The following AGAP1 variants were observed in gnomAD, a reference collection of about 807,000 sequenced individuals.
AGAP1 encodes the protein ArfGAP with GTPase domain, ankyrin repeat and PH domain 1.
Under a neutral mutation model 105.3 loss-of-function variants are expected in AGAP1, and 29 were observed. That is an observed-to-expected ratio of 0.28 (90% CI 0.21 to 0.38). The LOEUF is 0.38. Ranked by LOEUF, AGAP1 falls within the 10% of genes least tolerant of loss-of-function variation. The pLI is 1.00. For missense variants in AGAP1, 998 were observed against 1,165.1 expected (o/e 0.86, Z 2.09); for synonymous variants, 509 against 485.9 (o/e 1.05, Z -0.63).
chr2:235,974,058 C>G (rs191224885), intron 13 of AGAP1, among the ~76,000 whole-genome samples: 2 of 152,150 alleles, frequency 1.3e-5, no homozygotes, highest in African/African-American at 4.8e-5. Context: ...TCTGTGGCCC[C>G]GAACCTGGTG....
At chr2:235,847,173 G>A (rs1031123787) in intron 9 of AGAP1, among the ~76,000 whole-genome samples, 1 of 152,222 alleles carries the variant, frequency 6.6e-6, no homozygotes, top group Non-Finnish European at 1.5e-5. Flanking sequence ...GAGAATGGGT[G>A]CCTGTAAGAA....
chr2:235,494,999 C>A, intron 1 of AGAP1, 150 bp downstream of exon 1: 2 of 687,280 alleles, frequency 2.9e-6, no homozygotes, highest in Non-Finnish European at 4.1e-6. Context: ...GCTTGTCTTG[C>A]AAGGCCGGGC....
chr2:235,890,429 G>A lies in AGAP1; in HGVS notation c.1155+6980G>A, dbSNP rs185430594. On this transcript the variant is annotated intron_variant, in intron 10 of 17. Coordinates refer to ENST00000304032, the MANE Select transcript of AGAP1 (RefSeq NM_001037131.3). Reference sequence around the variant, plus strand: ...AGCCTCCCAAAGTGCTGGGATTATAGGCATGAGCCACTCTGCCCAGCTGTG... The same window carrying A: ...AGCCTCCCAAAGTGCTGGGATTATAAGCATGAGCCACTCTGCCCAGCTGTG... Among the ~76,000 whole-genome samples the A allele has an allele frequency of 2.1e-3, 326 of 152,300 alleles. 4 individuals carry two copies. The highest frequency in any genetic ancestry group is 0.017 in the Middle Eastern group (5 of 294).
At chr2:235,806,751 C>T (rs115535401) in intron 8 of AGAP1, among the ~76,000 whole-genome samples, 64 of 152,308 alleles carry the variant, frequency 4.2e-4, no homozygotes, top group African/African-American at 1.5e-3. Context: ...AAAATGTTAA[C>T]AGCACCTTGA....
At chr2:235,990,469 T>C (rs1193129351) in intron 13 of AGAP1, among the ~76,000 whole-genome samples, 2 of 152,162 alleles carry the variant, frequency 1.3e-5, no homozygotes, top group African/African-American at 4.8e-5. Flanking sequence ...GTCACTCGTG[T>C]GTTTGATGGT....
At chr2:235,497,343 G>C (rs2148993442) in intron 1 of AGAP1, among the ~76,000 whole-genome samples, 1 of 152,326 alleles carries the variant, frequency 6.6e-6, no homozygotes, top group East Asian at 1.9e-4. Context: ...AGTAACTGCA[G>C]AGGGCTCCCT....
In AGAP1 at chr2:236,123,971, A is replaced by G; in HGVS notation, c.2423A>G (p.Tyr808Cys). The change falls in exon 18 of 18, where the codon TAC becomes TGC. Residue 808 changes from tyrosine to cysteine, a missense_variant. By Grantham distance (194) the Tyr-to-Cys change is radical. Coordinates refer to ENST00000304032, the MANE Select transcript of AGAP1 (RefSeq NM_001037131.3). This position sits in a 1 kb window ranked among gnomAD's most constrained non-coding sequence, Gnocchi z 4.6. ...GCCCACGGGAACACAGCTCTGGCCT[A>G]CGCCCGGCAGGCCTCCAGCCAGGAG... ...RDAHGNTALAYARQASSQECI... is the reference protein window; with the variant it reads ...RDAHGNTALACARQASSQECI... 6.2e-7 allele frequency: 1 copy of G among 1,613,798 alleles called. No individual in the cohort carries two copies. Among genetic ancestry groups the G allele is most frequent in the South Asian group, 1.1e-5 (1 of 91,062 alleles).
At chr2:235,563,777 G>A (rs541744121) in intron 1 of AGAP1, among the ~76,000 whole-genome samples, 1 of 152,290 alleles carries the variant, frequency 6.6e-6, no homozygotes, top group South Asian at 2.1e-4. Context: ...TGAGGGTCTG[G>A]TATATGCTAG....
In AGAP1 at chr2:235,943,362, ATT is replaced by A. The variant is rs562379887; in HGVS notation, c.1483+12457_1483+12458del. ...AAAAGGCAAAGACCTAAAGGACTTA[ATT>A]TTTTTTTTTTTTTTTTTGACACAGA... On this transcript the variant is annotated intron_variant, in intron 12 of 17. Transcript: ENST00000304032. 6.4e-4 allele frequency among the ~76,000 whole-genome samples: 81 copies of A among 127,018 alleles called. 1 individual carries two copies. The highest frequency in any genetic ancestry group is 2.0e-3 in the East Asian group (9 of 4,524). The allele number at this position is 127,018 out of a possible 152,430, so 83.3% of individuals were successfully genotyped here. A position where few individuals can be genotyped will look rare whatever the true frequency, so the allele number is the denominator to read the frequency against.
At chr2:235,790,061 C>T (rs114412285) in intron 6 of AGAP1, among the ~76,000 whole-genome samples, 3,102 of 152,038 alleles carry the variant, frequency 0.02, 97 homozygotes, top group African/African-American at 0.071. Flanking sequence ...GGGTGGGAAT[C>T]GGTAGATTTG....
At chr2:235,912,239 G>C (rs2051653497) in intron 11 of AGAP1, among the ~76,000 whole-genome samples, 1 of 152,196 alleles carries the variant, frequency 6.6e-6, no homozygotes, top group Admixed American at 6.5e-5. Context: ...TTGGGGATTT[G>C]AGTTTTTATA....
chr2:235,618,608 T>G (rs1946379798), intron 1 of AGAP1, among the ~76,000 whole-genome samples: 1 of 152,238 alleles, frequency 6.6e-6, no homozygotes, highest in South Asian at 2.1e-4. Flanking sequence ...AAGGTCCATT[T>G]TTAAGCTTAT....
At chr2:235,679,972 G>A (rs540032620) in intron 1 of AGAP1, among the ~76,000 whole-genome samples, 27 of 152,194 alleles carry the variant, frequency 1.8e-4, no homozygotes, top group Non-Finnish European at 3.8e-4. Flanking sequence ...TTGTACTGAC[G>A]CTGACATTTT....
At chr2:236,039,294 T>A (rs541631445) in intron 14 of AGAP1, among the ~76,000 whole-genome samples, 1 of 152,154 alleles carries the variant, frequency 6.6e-6, no homozygotes, top group South Asian at 2.1e-4. Context: ...AAAAAATTTT[T>A]AAATAGCCAG....
intron 9 of AGAP1, among the ~76,000 whole-genome samples, chr2:235,810,889 C>T (rs1184710608): frequency 3.6e-5 from 5 of 138,560 alleles, no homozygotes; most frequent in African/African-American, 1.4e-4. Flanking sequence ...AATTAAGAAG[C>T]AAAGCAAGAA....
chr2:235,984,331 T>C (rs750305363), intron 13 of AGAP1, among the ~76,000 whole-genome samples: 25 of 152,316 alleles, frequency 1.6e-4, no homozygotes, highest in Non-Finnish European at 1.0e-4. Context: ...TTGGCTGTTA[T>C]GAAGGATGCT....
rs73126457 is a variant in AGAP1, at chr2:235,817,577, T to C, written c.1050+10246T>C. ...TAAATATATAGGAATGTAAATATTA[T>C]AAAGTAGGCATAGAAGAGTTTGTTA... On this transcript the variant is annotated intron_variant, in intron 9 of 17. Coordinates refer to ENST00000304032, the MANE Select transcript of AGAP1 (RefSeq NM_001037131.3). Among the ~76,000 whole-genome samples the C allele has an allele frequency of 1.8e-3, 270 of 152,220 alleles. 1 individual carries two copies. The highest frequency in any genetic ancestry group is 6.2e-3 in the African/African-American group (259 of 41,528).
At chr2:235,966,827 G>A (rs941366726) in intron 12 of AGAP1, among the ~76,000 whole-genome samples, 20 of 152,148 alleles carry the variant, frequency 1.3e-4, no homozygotes, top group African/African-American at 4.6e-4. Flanking sequence ...GCAGAGAGGG[G>A]CGAGGGGTCT....
chr2:235,862,490 C>T (rs1207998043), intron 9 of AGAP1, among the ~76,000 whole-genome samples: 3 of 152,166 alleles, frequency 2.0e-5, no homozygotes, highest in Admixed American at 6.5e-5. Flanking sequence ...GCAGAGACTG[C>T]GTGGAGTGCT....
Sources: gnomAD v4.1 joint callset for allele counts (sites outside exome capture counted in the v4.1 genomes callset) on GRCh38, gnomAD v4.1.1 for gene constraint, Gnocchi (gnomAD v3.1) non-coding constraint, MANE v1.5 for transcripts, NCBI Gene and HGNC (gene_info 2026-07-23, HGNC 2026-07-21) for gene names.